CADM1: variants seen among roughly 807,000 people sequenced by gnomAD.
The protein encoded by CADM1 is TSLC-1.
CADM1 carries 15 observed loss-of-function variants against 53.1 expected under a neutral mutation model. That is an observed-to-expected ratio of 0.28 (90% CI 0.19 to 0.44). The LOEUF (loss-of-function observed/expected upper bound fraction) is 0.44, where lower values mean the gene tolerates loss of function less well. CADM1 is among the 20% of genes least tolerant of loss of function. The probability of loss-of-function intolerance (pLI) is 1.00; values close to 1 mark genes in which losing one functional copy is unlikely to be tolerated. For synonymous variants in CADM1, 281 were observed against 243.0 expected, an observed-to-expected ratio of 1.16 and a Z score of -1.45; for missense variants, 434 against 611.3, an observed-to-expected ratio of 0.71 and a Z score of 3.06.
intron 9 of CADM1, chr11:115,194,138 CAG>C (rs1321715522): frequency 2.0e-5 from 3 of 152,120 alleles, no homozygotes; most frequent in African/African-American, 7.2e-5. Flanking sequence ...ACAATGTCTG[CAG>C]AGTCCCGTGA....
chr11:115,458,557 T>C (rs1490935835), intron 1 of CADM1, among the ~76,000 whole-genome samples: 1 of 150,842 alleles, frequency 6.6e-6, no homozygotes, highest in Non-Finnish European at 1.5e-5. Flanking sequence ...CCCTAGTCCA[T>C]GCAAGCATTT....
chr11:115,440,764 T>G (rs527872561), intron 1 of CADM1, among the ~76,000 whole-genome samples: 6 of 152,178 alleles, frequency 3.9e-5, no homozygotes, highest in Non-Finnish European at 7.3e-5. Context: ...CTCAGTCGCT[T>G]TGGCTTTCAT....
At chr11:115,353,847 C>T (rs1945796845) in intron 1 of CADM1, among the ~76,000 whole-genome samples, 1 of 152,054 alleles carries the variant, frequency 6.6e-6, no homozygotes, top group Admixed American at 6.6e-5. Flanking sequence ...TCGTCTCATC[C>T]CAATTCCTAA....
intron 1 of CADM1, among the ~76,000 whole-genome samples, chr11:115,475,254 ATTG>A (rs1949105956): frequency 2.0e-5 from 3 of 152,106 alleles, no homozygotes; most frequent in African/African-American, 7.2e-5. Flanking sequence ...ATCATTTTTT[ATTG>A]TTGTATATTT....
intron 10 of CADM1, 73 bp downstream of exon 10, chr11:115,190,815 G>T: frequency 1.5e-6 from 2 of 1,300,554 alleles, no homozygotes; most frequent in South Asian, 1.3e-5. Flanking sequence ...AAACCAAATG[G>T]CCATTTTGTA....
At chr11:115,299,957 A>C (rs2135132318) in intron 1 of CADM1, among the ~76,000 whole-genome samples, 1 of 152,322 alleles carries the variant, frequency 6.6e-6, no homozygotes, top group East Asian at 1.9e-4. Flanking sequence ...ATCAGAAAAA[A>C]AGGAAAGAAA....
chr11:115,174,249 C>G lies in CADM1; in HGVS notation c.*2225G>C. ...AGGTCCCAAAAATGAGATGCCAATT[C>G]TGTGAGCAATGGTGTGATTTTTTTT... On this transcript the variant is annotated 3_prime_UTR_variant, in exon 12 of 12. Coordinates refer to ENST00000331581, the MANE Select transcript of CADM1 (RefSeq NM_001301043.2). The G allele has an allele frequency of 1.0e-6, 1 of 983,908 alleles. No individual in the cohort carries two copies. The allele number at this position is 983,908 out of a possible 1,614,324, so 60.9% of individuals were successfully genotyped here. A position where few individuals can be genotyped will look rare whatever the true frequency, so the allele number is the denominator to read the frequency against.
intron 1 of CADM1, among the ~76,000 whole-genome samples, chr11:115,262,072 G>T (rs947660789): frequency 2.0e-5 from 3 of 151,646 alleles, no homozygotes; most frequent in Admixed American, 2.0e-4. Flanking sequence ...AGCCACCGAA[G>T]ATATTTTTAC....
rs1161856159 is a variant in CADM1, at chr11:115,218,112, G to A, written c.722-121C>T. 5.6e-6 allele frequency: 4 copies of A among 709,220 alleles called. No individual in the cohort carries two copies. In the African/African-American group the frequency reaches 7.0e-5, roughly 12 times the overall value. The allele number at this position is 709,220 out of a possible 1,614,324, so 43.9% of individuals were successfully genotyped here. A position where few individuals can be genotyped will look rare whatever the true frequency, so the allele number is the denominator to read the frequency against. Reference sequence around the variant, plus strand: ...TACTCTCTCCCATCCGATGCCTTCAGTAACACCCTTCTAATTAGTTGGTAA... The same window carrying A: ...TACTCTCTCCCATCCGATGCCTTCAATAACACCCTTCTAATTAGTTGGTAA... On this transcript the variant is annotated intron_variant, in intron 5 of 11. Transcript: ENST00000331581.
At chr11:115,415,972 T>A (rs1450996134) in intron 1 of CADM1, among the ~76,000 whole-genome samples, 1 of 151,598 alleles carries the variant, frequency 6.6e-6, no homozygotes, top group Non-Finnish European at 1.5e-5. Context: ...AGTTGGTGCA[T>A]CCTACTCCTT....
intron 1 of CADM1, among the ~76,000 whole-genome samples, chr11:115,370,834 C>T (rs1946289603): frequency 6.6e-6 from 1 of 152,140 alleles, no homozygotes; most frequent in Non-Finnish European, 1.5e-5. Context: ...CAGTGAATAC[C>T]TAATGTTACT....
chr11:115,199,419 T>G (rs899217072), intron 8 of CADM1, among the ~76,000 whole-genome samples: 1 of 152,206 alleles, frequency 6.6e-6, no homozygotes, highest in African/African-American at 2.4e-5. Flanking sequence ...TTTTGTCTTT[T>G]TCTTCTTCTA....
At chr11:115,286,757 A>G (rs545662499) in intron 1 of CADM1, among the ~76,000 whole-genome samples, 6 of 152,268 alleles carry the variant, frequency 3.9e-5, no homozygotes, top group Non-Finnish European at 7.3e-5. Flanking sequence ...AATTTTGCCA[A>G]TCAGTTTTCC....
At chr11:115,436,300 T>G (rs574553331) in intron 1 of CADM1, among the ~76,000 whole-genome samples, 1 of 152,302 alleles carries the variant, frequency 6.6e-6, no homozygotes, top group South Asian at 2.1e-4. Context: ...AGATTTTATT[T>G]TTATTTAAGA....
At chr11:115,308,019 A>C (rs1944422761) in intron 1 of CADM1, among the ~76,000 whole-genome samples, 1 of 151,788 alleles carries the variant, frequency 6.6e-6, no homozygotes, top group African/African-American at 2.4e-5. Context: ...GAGACTATTC[A>C]AATAATACCC....
intron 1 of CADM1, among the ~76,000 whole-genome samples, chr11:115,447,062 C>CA (rs1948467415): frequency 6.6e-6 from 1 of 152,112 alleles, no homozygotes; most frequent in South Asian, 2.1e-4. Context: ...ATATATGGTA[C>CA]AAACATAACA....
At chr11:115,481,517 T>C (rs1262906078) in intron 1 of CADM1, among the ~76,000 whole-genome samples, 1 of 152,182 alleles carries the variant, frequency 6.6e-6, no homozygotes, top group Non-Finnish European at 1.5e-5. Context: ...ACATTCTTCT[T>C]AGGAGATCTC....
At chr11:115,423,080 G>A (rs767731484) in intron 1 of CADM1, among the ~76,000 whole-genome samples, 3 of 151,514 alleles carry the variant, frequency 2.0e-5, no homozygotes, top group South Asian at 2.1e-4. Context: ...GACAAAAGTC[G>A]AGGCCTTAGT....
At chr11:115,464,578 T>C (rs1026140323) in intron 1 of CADM1, among the ~76,000 whole-genome samples, 1 of 152,200 alleles carries the variant, frequency 6.6e-6, no homozygotes, top group African/African-American at 2.4e-5. Flanking sequence ...AAAGACCTCA[T>C]AGATTATTAT....
Sources: gnomAD v4.1 joint callset for allele counts (sites outside exome capture counted in the v4.1 genomes callset) on GRCh38, gnomAD v4.1.1 for gene constraint, MANE v1.5 for transcripts, NCBI Gene and HGNC (gene_info 2026-07-23, HGNC 2026-07-21) for gene names.